The following ZNF462 variants were observed in gnomAD, a reference collection of about 807,000 sequenced individuals.
ZNF462 encodes the protein zinc finger protein 462.
Under a neutral mutation model 201.9 loss-of-function variants are expected in ZNF462, and 10 were observed. The ratio of observed to expected loss-of-function variants is 0.05; its 90% CI spans 0.03 to 0.08. The LOEUF is 0.08. ZNF462 is among the 10% of genes least tolerant of loss of function. ZNF462 has a pLI of 1.00. For missense variants in ZNF462, 2,523 were observed against 3,168.3 expected, an observed-to-expected ratio of 0.80 and a Z score of 4.89; for synonymous variants, 1,227 against 1,193.3, an observed-to-expected ratio of 1.03 and a Z score of -0.58.
At chr9:106,899,166 A>T (rs543545577) in intron 1 of ZNF462, among the ~76,000 whole-genome samples, 3 of 144,466 alleles carry the variant, frequency 2.1e-5, no homozygotes, top group African/African-American at 7.6e-5. Context: ...TAATTTCCCT[A>T]GAGAAGAAGT....
At chr9:106,904,277 A>G (rs1264476263) in intron 1 of ZNF462, among the ~76,000 whole-genome samples, 2 of 152,124 alleles carry the variant, frequency 1.3e-5, no homozygotes, top group Admixed American at 1.3e-4. Context: ...TCTAGCTTGT[A>G]GGGTTTCTGC....
Position 107,010,517 on chromosome 9 carries a change from A to G in ZNF462, c.7314-306A>G, listed in dbSNP as rs1362044855. Among the ~76,000 whole-genome samples the G allele has an allele frequency of 6.6e-6, 1 of 152,168 alleles. No homozygotes were observed. The highest frequency in any genetic ancestry group is 1.9e-4 in the East Asian group (1 of 5,196). ...TGTTACCACTTATGACCCAGTAGAG[A>G]AAGTGACATAAAATGATTATGCTTA... On this transcript the variant is annotated intron_variant, in intron 12 of 12. Transcript: ENST00000277225. This position sits in a 1 kb window ranked among gnomAD's most constrained non-coding sequence, Gnocchi z 4.6.
intron 7 of ZNF462, among the ~76,000 whole-genome samples, 179 bp downstream of exon 7, chr9:106,939,286 G>T (rs182998549): frequency 1.3e-5 from 2 of 152,186 alleles, no homozygotes; most frequent in Non-Finnish European, 1.5e-5. Flanking sequence ...AAATGAACTT[G>T]TTGAGCATCT....
In ZNF462 at chr9:106,885,047, C is replaced by A. The variant is rs1828260659; in HGVS notation, c.-31+21692C>A. Among the ~76,000 whole-genome samples the A allele has an allele frequency of 6.6e-6, 1 of 152,162 alleles. No homozygotes were observed. Among genetic ancestry groups the A allele is most frequent in the South Asian group, 2.1e-4 (1 of 4,830 alleles). On this transcript the variant is annotated intron_variant, in intron 1 of 12. Coordinates refer to ENST00000277225, the MANE Select transcript of ZNF462 (RefSeq NM_021224.6). The surrounding 1 kb of genome is among the most constrained non-coding windows in gnomAD (Gnocchi z 4.1). Reference sequence around the variant, plus strand: ...TCTGCTTCAAAGCAATGTATGTGTTCAACATAACCTTTCTAGAGAGATTTC... The same window carrying A: ...TCTGCTTCAAAGCAATGTATGTGTTAAACATAACCTTTCTAGAGAGATTTC...
At position 106,974,069 on chromosome 9, in the gene ZNF462, G is replaced by C; in HGVS notation, c.6696-68G>C. 2 of 1,599,984 alleles carry C rather than the reference G, an allele frequency of 1.3e-6. No homozygotes were observed. Among genetic ancestry groups the C allele is most frequent in the African/African-American group, 1.3e-5 (1 of 74,620 alleles). ...TTGGACATATATAACGGGTTTGCCA[G>C]CAGGAAATGTGAAAATGCAATGATC... is the stretch of plus-strand genomic sequence containing the variant. On this transcript the variant is annotated intron_variant, in intron 8 of 12. Transcript: ENST00000277225. The surrounding 1 kb of genome is among the most constrained non-coding windows in gnomAD (Gnocchi z 4.0).
In ZNF462 at chr9:107,009,166, A is replaced by G. The variant is rs1829771846; in HGVS notation, c.7190-379A>G. On this transcript the variant is annotated intron_variant, in intron 11 of 12. Transcript: ENST00000277225. This position sits in a 1 kb window ranked among gnomAD's most constrained non-coding sequence, Gnocchi z 6.1. Reference sequence around the variant, plus strand: ...ATAAACCTGTGTCAAAAAGGAAATGAATAGATGCTAGCCTGTGAGGCACTG... The same window carrying G: ...ATAAACCTGTGTCAAAAAGGAAATGGATAGATGCTAGCCTGTGAGGCACTG... 5.5e-6 allele frequency: 1 copy of G among 180,670 alleles called. No individual in the cohort carries two copies. Among genetic ancestry groups the G allele is most frequent in the South Asian group, 1.5e-4 (1 of 6,518 alleles). 11.2% of individuals were successfully genotyped at this position (180,670 alleles called of 1,614,324 possible). A position where few individuals can be genotyped will look rare whatever the true frequency, so the allele number is the denominator to read the frequency against.
In ZNF462 at chr9:106,880,791, G is replaced by T. The variant is rs1322397300; in HGVS notation, c.-31+17436G>T. 6.6e-6 allele frequency among the ~76,000 whole-genome samples: 1 copy of T among 152,220 alleles called. No individual in the cohort carries two copies. Among genetic ancestry groups the T allele is most frequent in the African/African-American group, 2.4e-5 (1 of 41,466 alleles). On this transcript the variant is annotated intron_variant, in intron 1 of 12. Coordinates refer to ENST00000277225, the MANE Select transcript of ZNF462 (RefSeq NM_021224.6). The surrounding 1 kb of genome is among the most constrained non-coding windows in gnomAD (Gnocchi z 4.1). Reference sequence around the variant, plus strand: ...ATTAAAAAGGAATGTCTAGTAGGCAGTGTGGGGACCTGGACTCCCAAGATG... The same window carrying T: ...ATTAAAAAGGAATGTCTAGTAGGCATTGTGGGGACCTGGACTCCCAAGATG...
chr9:106,933,889 G>T lies in ZNF462; in HGVS notation c.6116+1340G>T, dbSNP rs1249581987. On this transcript the variant is annotated intron_variant, in intron 5 of 12. Coordinates refer to ENST00000277225, the MANE Select transcript of ZNF462 (RefSeq NM_021224.6). The surrounding 1 kb of genome is among the most constrained non-coding windows in gnomAD (Gnocchi z 4.3). ...GACCATGAAGCTGACTGGGGCCCTA[G>T]CTGGGGGTTCAGTTTGACTAATCCT... Among the ~76,000 whole-genome samples, 3 of 152,118 alleles carry T rather than the reference G, an allele frequency of 2.0e-5. No homozygotes were observed. In the East Asian group the frequency reaches 5.8e-4, roughly 29 times the overall value.
At chr9:106,973,662 A>T (rs1218422682) in intron 8 of ZNF462, among the ~76,000 whole-genome samples, 1 of 152,132 alleles carries the variant, frequency 6.6e-6, no homozygotes, top group African/African-American at 2.4e-5. Flanking sequence ...GTACAACACC[A>T]CTTAGTTTAC....
At chr9:106,874,187 G>A (rs953918718) in intron 1 of ZNF462, among the ~76,000 whole-genome samples, 4 of 152,192 alleles carry the variant, frequency 2.6e-5, no homozygotes, top group Non-Finnish European at 5.9e-5. Context: ...GAACTGAAGC[G>A]TGTTGTTCTC....
At chr9:106,959,555 T>A (rs1040818524) in intron 7 of ZNF462, among the ~76,000 whole-genome samples, 1 of 152,110 alleles carries the variant, frequency 6.6e-6, no homozygotes, top group Non-Finnish European at 1.5e-5. Context: ...GCCAATGTTA[T>A]CTTCTCCACT....
In ZNF462 at chr9:107,012,382, G is replaced by C. The variant is rs974454084; in HGVS notation, c.*1352G>C. On this transcript the variant is annotated 3_prime_UTR_variant, in exon 13 of 13. Transcript: ENST00000277225. ...TACTAGAATCCCATCCCTTTCGTGAGAGTGGACAAGAAATAACATATCCTA... is the reference window on the plus strand; with the variant it reads ...TACTAGAATCCCATCCCTTTCGTGACAGTGGACAAGAAATAACATATCCTA... 2 of 135,550 alleles carry C rather than the reference G, an allele frequency of 1.5e-5. No homozygotes were observed. Among genetic ancestry groups the C allele is most frequent in the African/African-American group, 7.1e-5 (2 of 28,206 alleles). 8.4% of individuals were successfully genotyped at this position (135,550 alleles called of 1,614,324 possible).
At chr9:106,874,370 A>C (rs935571449) in intron 1 of ZNF462, among the ~76,000 whole-genome samples, 1 of 152,164 alleles carries the variant, frequency 6.6e-6, no homozygotes, top group Non-Finnish European at 1.5e-5. Context: ...TCTTTGAGGA[A>C]ACCTACCCAG....
At chr9:106,873,074 C>G (rs1015701107) in intron 1 of ZNF462, among the ~76,000 whole-genome samples, 2 of 152,102 alleles carry the variant, frequency 1.3e-5, no homozygotes, top group African/African-American at 4.8e-5. Context: ...GGGACCCGGC[C>G]TTGGTTATTA....
At chr9:106,990,129 G>A (rs891267642) in intron 10 of ZNF462, among the ~76,000 whole-genome samples, 3 of 151,778 alleles carry the variant, frequency 2.0e-5, no homozygotes, top group Non-Finnish European at 4.4e-5. Flanking sequence ...CATTATTGTC[G>A]TTTGGTTCAA....
At chr9:106,900,791 G>C (rs1373918449) in intron 1 of ZNF462, among the ~76,000 whole-genome samples, 2 of 152,040 alleles carry the variant, frequency 1.3e-5, no homozygotes, top group Non-Finnish European at 2.9e-5. Flanking sequence ...TTAGTCTTTT[G>C]CCAGATGTAT....
chr9:106,953,299 T>G (rs1831434951), intron 7 of ZNF462, among the ~76,000 whole-genome samples: 1 of 152,168 alleles, frequency 6.6e-6, no homozygotes, highest in Admixed American at 6.5e-5. Context: ...TTCTTGCTGT[T>G]TACACCTGCT....
chr9:106,972,416 A>C lies in ZNF462; in HGVS notation c.6695+144A>C. ...GATGTAGGGGTTGGGTCCAGGCTTC[A>C]TGGAAGGAGGGTAGTTTCAGAAGAC... On this transcript the variant is annotated intron_variant, in intron 8 of 12. Transcript: ENST00000277225. The surrounding 1 kb of genome is among the most constrained non-coding windows in gnomAD (Gnocchi z 4.8). 8.5e-7 allele frequency: 1 copy of C among 1,176,002 alleles called. No homozygotes were observed. The highest frequency in any genetic ancestry group is 1.2e-6 in the Non-Finnish European group (1 of 849,240). 72.8% of individuals were successfully genotyped at this position (1,176,002 alleles called of 1,614,324 possible). A position where few individuals can be genotyped will look rare whatever the true frequency, so the allele number is the denominator to read the frequency against.
At chr9:106,990,962 C>A (rs577207543) in intron 10 of ZNF462, among the ~76,000 whole-genome samples, 2 of 152,056 alleles carry the variant, frequency 1.3e-5, no homozygotes, top group Non-Finnish European at 2.9e-5. Context: ...GAAAGATATA[C>A]AAACACCTGA....
Sources: allele counts gnomAD v4.1 joint callset (sites outside exome capture counted in the v4.1 genomes callset), GRCh38; gene constraint gnomAD v4.1.1; non-coding constraint Gnocchi (gnomAD v3.1); transcripts MANE v1.5; gene names NCBI Gene and HGNC (gene_info 2026-07-23, HGNC 2026-07-21).